SNED1: variants seen among roughly 807,000 people sequenced by gnomAD.
SNED1 encodes the protein sushi, nidogen and EGF like domains 1.
In SNED1, 81 loss-of-function variants were observed where a neutral mutation model predicts 166.7. The ratio of observed to expected loss-of-function variants is 0.49; its 90% CI spans 0.41 to 0.58. The LOEUF (loss-of-function observed/expected upper bound fraction) is 0.58, where lower values mean the gene tolerates loss of function less well. Ranked by LOEUF, SNED1 falls within the 20% of genes least tolerant of loss-of-function variation. The probability of loss-of-function intolerance (pLI) is 0.00; values close to 1 mark genes in which losing one functional copy is unlikely to be tolerated. For missense variants in SNED1, 1,604 were observed against 2,000.2 expected (o/e 0.80, Z 3.78); for synonymous variants, 762 against 822.0 (o/e 0.93, Z 1.25).
At chr2:241,090,563 G>A (rs1193268364) in intron 31 of SNED1, 6 of 1,235,468 alleles carry the variant, frequency 4.9e-6, no homozygotes, top group African/African-American at 1.5e-5. Flanking sequence ...ACACAGGGCA[G>A]TGCAGTAGGT....
intron 1 of SNED1, among the ~76,000 whole-genome samples, chr2:241,003,706 A>G (rs1199032208): frequency 6.6e-6 from 1 of 152,190 alleles, no homozygotes; most frequent in Non-Finnish European, 1.5e-5. Context: ...CCCATAAGGA[A>G]AGTCTCTGTC....
chr2:241,065,240 G>C (rs944201833), intron 20 of SNED1, 59 bp from the exon 21 acceptor site: 5 of 1,574,352 alleles, frequency 3.2e-6, no homozygotes, highest in Non-Finnish European at 4.3e-6. Flanking sequence ...ACGGGAGCCA[G>C]GCATGCATAG....
At chr2:241,027,643 C>T (rs1170867808) in intron 1 of SNED1, among the ~76,000 whole-genome samples, 2 of 151,934 alleles carry the variant, frequency 1.3e-5, no homozygotes, top group African/African-American at 2.4e-5. Context: ...TATTGTTTTT[C>T]ACAGCAGTTG....
intron 9 of SNED1, 62 bp from the exon 10 acceptor site, chr2:241,048,598 CTG>C (rs1024117119): frequency 1.3e-6 from 2 of 1,521,312 alleles, no homozygotes; most frequent in African/African-American, 1.4e-5. Flanking sequence ...AGGGCAGGGT[CTG>C]GAGCGAGGGT....
chr2:241,018,183 A>G lies in SNED1; in HGVS notation c.214-12101A>G, dbSNP rs1001506478. Among the ~76,000 whole-genome samples, 1 of 152,192 alleles carries G rather than the reference A, an allele frequency of 6.6e-6. No homozygotes were observed. The highest frequency in any genetic ancestry group is 1.5e-5 in the Non-Finnish European group (1 of 68,038). ...GCTGATTTGGTTAAGTCTTTTTGCCATGTCACCGCGCATTTGCAGCTTTGG... is the reference window on the plus strand; with the variant it reads ...GCTGATTTGGTTAAGTCTTTTTGCCGTGTCACCGCGCATTTGCAGCTTTGG... On this transcript the variant is annotated intron_variant, in intron 1 of 31. Transcript: ENST00000310397. This position sits in a 1 kb window ranked among gnomAD's most constrained non-coding sequence, Gnocchi z 5.4.
At chr2:241,087,334 G>C in intron 29 of SNED1, 58 bp from the exon 30 acceptor site, 1 of 1,514,772 alleles carries the variant, frequency 6.6e-7, no homozygotes, top group Non-Finnish European at 8.9e-7. Flanking sequence ...CCTAGGTTAA[G>C]CAGTTGGCAA....
chr2:241,076,929 AT>A (rs2063050360), intron 27 of SNED1, among the ~76,000 whole-genome samples: 1 of 152,186 alleles, frequency 6.6e-6, no homozygotes, highest in Admixed American at 6.5e-5. Flanking sequence ...AATACAAAAA[AT>A]TAGCTGGGCA....
intron 16 of SNED1, among the ~76,000 whole-genome samples, chr2:241,058,083 A>G (rs1273250735): frequency 1.3e-5 from 2 of 152,208 alleles, no homozygotes; most frequent in African/African-American, 4.8e-5. Flanking sequence ...AAGACTATAC[A>G]AAGAATGAAA....
intron 24 of SNED1, 33 bp downstream of exon 24, chr2:241,070,234 C>T (rs10174683): frequency 6.4e-7 from 1 of 1,562,514 alleles, no homozygotes; most frequent in Non-Finnish European, 8.6e-7. Context: ...GTGGGCGGGG[C>T]CAGTGTTTGC....
intron 24 of SNED1, 166 bp from the exon 25 acceptor site, chr2:241,071,410 C>T (rs2062708227): frequency 1.4e-6 from 1 of 727,454 alleles, no homozygotes; most frequent in South Asian, 1.8e-5. Context: ...GAACCCAGGG[C>T]ATCTGGGGAA....
chr2:241,015,569 C>T (rs1396447583), intron 1 of SNED1: 1 of 153,468 alleles, frequency 6.5e-6, no homozygotes, highest in African/African-American at 2.4e-5. Flanking sequence ...CCTTTCTACT[C>T]ATTTTACTTT....
intron 16 of SNED1, among the ~76,000 whole-genome samples, chr2:241,054,682 A>G (rs2061990181): frequency 1.3e-5 from 2 of 152,292 alleles, no homozygotes; most frequent in South Asian, 4.1e-4. Flanking sequence ...AACAGTGGGA[A>G]TAAGCAGATT....
intron 8 of SNED1, among the ~76,000 whole-genome samples, chr2:241,042,959 T>C (rs966945126): frequency 6.6e-6 from 1 of 151,234 alleles, no homozygotes; most frequent in African/African-American, 2.4e-5. Flanking sequence ...GTATTTGGAG[T>C]CTGTGAAGGA....
intron 27 of SNED1, among the ~76,000 whole-genome samples, chr2:241,080,119 T>C (rs1309581382): frequency 6.6e-6 from 1 of 152,090 alleles, no homozygotes; most frequent in Non-Finnish European, 1.5e-5. Context: ...ACCCCGTCTC[T>C]ACTAAAATAC....
chr2:241,037,055 G>A, intron 5 of SNED1, 140 bp downstream of exon 5: 1 of 1,126,160 alleles, frequency 8.9e-7, no homozygotes, highest in Non-Finnish European at 1.3e-6. Context: ...GACTTGCTTA[G>A]GGGACCACTG....
Position 241,094,788 on chromosome 2 carries a change from A to C in SNED1, c.*3152A>C, listed in dbSNP as rs968709436. On this transcript the variant is annotated 3_prime_UTR_variant, in exon 32 of 32. Transcript: ENST00000310397. The surrounding 1 kb of genome is among the most constrained non-coding windows in gnomAD (Gnocchi z 4.3). ...ATCCTACAATCTACCAGATCCTAGG[A>C]TCTAGTTGATCCTAGAATGCTACCA... The C allele has an allele frequency of 5.9e-6, 1 of 168,312 alleles. No individual in the cohort carries two copies. Among genetic ancestry groups the C allele is most frequent in the African/African-American group, 2.4e-5 (1 of 41,514 alleles). The allele number at this position is 168,312 out of a possible 1,614,324, so 10.4% of individuals were successfully genotyped here. A position where few individuals can be genotyped will look rare whatever the true frequency, so the allele number is the denominator to read the frequency against.
At chr2:241,039,534 G>T (rs1364995343) in intron 6 of SNED1, among the ~76,000 whole-genome samples, 1 of 152,096 alleles carries the variant, frequency 6.6e-6, no homozygotes, top group Non-Finnish European at 1.5e-5. Flanking sequence ...CATCCGGTGA[G>T]GAGGGAGGGC....
chr2:241,003,430 C>T (rs1317677458), intron 1 of SNED1, among the ~76,000 whole-genome samples: 2 of 152,230 alleles, frequency 1.3e-5, no homozygotes, highest in African/African-American at 2.4e-5. Flanking sequence ...AGTAAGTCCT[C>T]CTGTGCCACA....
At chr2:241,034,002 G>C (rs570485632) in intron 3 of SNED1, 127 bp downstream of exon 3, 1 of 1,165,950 alleles carries the variant, frequency 8.6e-7, no homozygotes, top group Non-Finnish European at 1.2e-6. Flanking sequence ...AGAGGCCAAC[G>C]AGAGACATCC....
Sources: allele counts gnomAD v4.1 joint callset (sites outside exome capture counted in the v4.1 genomes callset), GRCh38; gene constraint gnomAD v4.1.1; non-coding constraint Gnocchi (gnomAD v3.1); transcripts MANE v1.5; gene names NCBI Gene and HGNC (gene_info 2026-07-23, HGNC 2026-07-21).